The following DOCK4 variants were observed in gnomAD, a reference collection of about 807,000 sequenced individuals.
DOCK4 encodes dedicator of cytokinesis protein 4.
DOCK4 carries 97 observed loss-of-function variants against 268.1 expected under a neutral mutation model. The observed-to-expected ratio is 0.36, with a 90% CI of 0.31 to 0.43. The LOEUF (loss-of-function observed/expected upper bound fraction) is 0.43. DOCK4 is among the 20% of genes least tolerant of loss of function. DOCK4 has a pLI of 1.00. For synonymous variants in DOCK4, 954 were observed against 887.2 expected (o/e 1.08, Z -1.34); for missense variants, 2,145 against 2,455.7 (o/e 0.87, Z 2.67).
chr7:111,797,982 T>C (rs114900537), intron 30 of DOCK4, among the ~76,000 whole-genome samples: 1 of 152,292 alleles, frequency 6.6e-6, no homozygotes, highest in African/African-American at 2.4e-5. Context: ...CTTTGGTCTT[T>C]TATAATAGGG....
chr7:112,047,915 G>A (rs745831251), intron 1 of DOCK4, among the ~76,000 whole-genome samples: 3 of 152,104 alleles, frequency 2.0e-5, no homozygotes, highest in Non-Finnish European at 2.9e-5. Flanking sequence ...CATCTATAAC[G>A]CCTGGCCTCA....
At chr7:111,859,824 C>T (rs967028683) in intron 23 of DOCK4, among the ~76,000 whole-genome samples, 3 of 152,092 alleles carry the variant, frequency 2.0e-5, no homozygotes, top group Admixed American at 1.3e-4. Context: ...GCCTCGGCCT[C>T]CCAAAGTGCT....
chr7:111,790,175 A>G (rs756784969), intron 31 of DOCK4, among the ~76,000 whole-genome samples: 4 of 152,170 alleles, frequency 2.6e-5, no homozygotes, highest in Non-Finnish European at 4.4e-5. Flanking sequence ...AACTGGGTGC[A>G]AATAAAGTCT....
At chr7:111,827,058 C>A (rs1802458062) in intron 26 of DOCK4, among the ~76,000 whole-genome samples, 1 of 151,970 alleles carries the variant, frequency 6.6e-6, no homozygotes, top group South Asian at 2.1e-4. Context: ...TTTCTTCTTA[C>A]TTCAAGAACA....
At chr7:111,781,775 C>T (rs1030501928) in intron 35 of DOCK4, among the ~76,000 whole-genome samples, 7 of 152,038 alleles carry the variant, frequency 4.6e-5, no homozygotes, top group Non-Finnish European at 5.9e-5. Flanking sequence ...GCTTTGAAGA[C>T]GAACTGTGAC....
At chr7:111,957,775 A>T (rs1046163664) in intron 8 of DOCK4, among the ~76,000 whole-genome samples, 5 of 152,220 alleles carry the variant, frequency 3.3e-5, no homozygotes, top group Admixed American at 3.3e-4. Flanking sequence ...GAATGAACGA[A>T]TGAACATCAG....
intron 1 of DOCK4, among the ~76,000 whole-genome samples, chr7:112,192,356 C>G (rs976800699): frequency 6.6e-6 from 1 of 152,146 alleles, no homozygotes; most frequent in African/African-American, 2.4e-5. Flanking sequence ...TGTGATTCCA[C>G]TCAGCTGTTT....
intron 36 of DOCK4, among the ~76,000 whole-genome samples, chr7:111,772,032 T>C (rs927486437): frequency 6.6e-6 from 1 of 152,214 alleles, no homozygotes; most frequent in Admixed American, 6.5e-5. Context: ...CAGGCAGTGA[T>C]GACTTCAAGG....
intron 22 of DOCK4, 71 bp downstream of exon 22, chr7:111,867,913 C>A (rs1170412455): frequency 2.3e-6 from 3 of 1,315,500 alleles, no homozygotes; most frequent in Non-Finnish European, 3.0e-6. Flanking sequence ...CATTTGATTA[C>A]GCTGCTGTGT....
At chr7:111,729,577 A>C (rs2133352856) in intron 52 of DOCK4, among the ~76,000 whole-genome samples, 1 of 152,342 alleles carries the variant, frequency 6.6e-6, no homozygotes, top group East Asian at 1.9e-4. Context: ...CCACCAAGAT[A>C]ATCTGGAGGC....
At chr7:111,762,921 C>T (rs745438471) in intron 39 of DOCK4, among the ~76,000 whole-genome samples, 4 of 151,472 alleles carry the variant, frequency 2.6e-5, no homozygotes, top group South Asian at 2.1e-4. Context: ...CGCACGCCAC[C>T]GAACCTGGCA....
At chr7:112,020,787 A>G (rs1361689725) in intron 1 of DOCK4, among the ~76,000 whole-genome samples, 1 of 152,134 alleles carries the variant, frequency 6.6e-6, no homozygotes, top group African/African-American at 2.4e-5. Flanking sequence ...GTCACTGCCA[A>G]TCACAATGGC....
At chr7:111,969,644 G>GCCAAAT (rs1797540897) in intron 8 of DOCK4, among the ~76,000 whole-genome samples, 1 of 144,308 alleles carries the variant, frequency 6.9e-6, no homozygotes, top group South Asian at 2.2e-4. Flanking sequence ...AGAAAAAGAT[G>GCCAAAT]CCAAATGTGA....
intron 32 of DOCK4, among the ~76,000 whole-genome samples, chr7:111,787,204 A>G (rs1799231948): frequency 6.6e-6 from 1 of 152,204 alleles, no homozygotes; most frequent in African/African-American, 2.4e-5. Context: ...TGAATTTGTT[A>G]TAAATAATTA....
chr7:112,095,246 T>C (rs1271320981), intron 1 of DOCK4, among the ~76,000 whole-genome samples: 1 of 152,146 alleles, frequency 6.6e-6, no homozygotes, highest in Non-Finnish European at 1.5e-5. Context: ...GAGAGGGCAA[T>C]GTTAAATCAC....
At chr7:111,932,595 T>A (rs1374469329) in intron 12 of DOCK4, among the ~76,000 whole-genome samples, 1 of 152,090 alleles carries the variant, frequency 6.6e-6, no homozygotes. Context: ...TAAATTTCCC[T>A]AGTAACCATG....
At chr7:112,089,284 T>C (rs1809402424) in intron 1 of DOCK4, among the ~76,000 whole-genome samples, 1 of 152,124 alleles carries the variant, frequency 6.6e-6, no homozygotes, top group African/African-American at 2.4e-5. Flanking sequence ...AAATTAGGTT[T>C]TAATTTAAGA....
chr7:111,884,665 G>T lies in DOCK4; in HGVS notation c.1588-7479C>A, dbSNP rs773806919. 3.3e-4 allele frequency among the ~76,000 whole-genome samples: 51 copies of T among 152,262 alleles called. 1 individual carries two copies. The highest frequency in any genetic ancestry group is 6.3e-4 in the Non-Finnish European group (43 of 68,012). On this transcript the variant is annotated intron_variant, in intron 16 of 52. Coordinates refer to ENST00000428084, the MANE Select transcript of DOCK4 (RefSeq NM_001363540.2). ...CACGAATCTTATAATGAAATGGCTA[G>T]TTTATGTCTTCAAATCATGCAGGGA...
intron 1 of DOCK4, among the ~76,000 whole-genome samples, chr7:112,113,303 G>A (rs538538165): frequency 6.6e-6 from 1 of 152,254 alleles, no homozygotes; most frequent in South Asian, 2.1e-4. Context: ...TAAAACAGCT[G>A]GGATGAGGAG....
Sources: gnomAD v4.1 joint callset for allele counts (sites outside exome capture counted in the v4.1 genomes callset) on GRCh38, gnomAD v4.1.1 for gene constraint, MANE v1.5 for transcripts, NCBI Gene and HGNC (gene_info 2026-07-23, HGNC 2026-07-21) for gene names.